The following FUT8 variants were observed in gnomAD, a reference collection of about 807,000 sequenced individuals.
The protein encoded by FUT8 is alpha-(1,6)-fucosyltransferase.
Under a neutral mutation model 71.3 loss-of-function variants are expected in FUT8, and 29 were observed. The ratio of observed to expected loss-of-function variants is 0.41; its 90% CI spans 0.30 to 0.55. The LOEUF (loss-of-function observed/expected upper bound fraction) is 0.55, where lower values mean the gene tolerates loss of function less well. Among genes scored for constraint, FUT8 ranks in the 20% least tolerant of loss-of-function variants. The pLI, the probability that FUT8 is intolerant of heterozygous loss-of-function variation, is 0.34. For synonymous variants in FUT8, 254 were observed against 239.3 expected (o/e 1.06, Z -0.57); for missense variants, 544 against 702.1 (o/e 0.77, Z 2.55).
At chr14:65,740,679 G>C (rs1435928282) in intron 10 of FUT8, among the ~76,000 whole-genome samples, 1 of 151,910 alleles carries the variant, frequency 6.6e-6, no homozygotes, top group Admixed American at 6.6e-5. Flanking sequence ...AGAATTGGGA[G>C]GTGCCACATA....
the FUT8 span, among the ~76,000 whole-genome samples, chr14:65,382,782 TC>T: frequency 5.9e-5 from 9 of 152,340 alleles, no homozygotes; most frequent in Middle Eastern, 3.4e-3. Context: ...TGTCCTTAGT[TC>T]TTGCCTCATT....
chr14:65,725,321 A>C (rs1895622602), intron 9 of FUT8, among the ~76,000 whole-genome samples: 1 of 152,196 alleles, frequency 6.6e-6, no homozygotes, highest in Non-Finnish European at 1.5e-5. Flanking sequence ...CCCAAATCTA[A>C]TAGGGCAATA....
chr14:65,368,858 A>G, the FUT8 span, among the ~76,000 whole-genome samples: 1 of 151,976 alleles, frequency 6.6e-6, no homozygotes, highest in Admixed American at 6.6e-5. Context: ...GGGTTTCACC[A>G]TGTTGGCCAG....
At position 65,413,598 on chromosome 14, in the gene FUT8, C is replaced by G. The variant is rs1264829268; in HGVS notation, c.-326+384C>G. Among the ~76,000 whole-genome samples, 1 of 152,194 alleles carries G rather than the reference C, an allele frequency of 6.6e-6. No homozygotes were observed. The highest frequency in any genetic ancestry group is 1.5e-5 in the Non-Finnish European group (1 of 68,026). ...TTCCCCTCCACACCTACCTTCCCTT[C>G]GTCAGCAGCTCGGTCCCTGGAGTCG... is the stretch of plus-strand genomic sequence containing the variant. On this transcript the variant is annotated intron_variant, in intron 1 of 10. Coordinates refer to ENST00000673929, the MANE Select transcript of FUT8 (RefSeq NM_001371533.1). The surrounding 1 kb of genome is among the most constrained non-coding windows in gnomAD (Gnocchi z 4.1).
chr14:65,406,002 T>C (rs2065087742), upstream of FUT8, among the ~76,000 whole-genome samples: 1 of 152,178 alleles, frequency 6.6e-6, no homozygotes, highest in Non-Finnish European at 1.5e-5. Context: ...AATGTGGGCA[T>C]GAGAGCAGTA....
intron 6 of FUT8, among the ~76,000 whole-genome samples, chr14:65,644,300 T>A (rs931784901): frequency 7.3e-4 from 106 of 145,748 alleles, no homozygotes; most frequent in Middle Eastern, 7.4e-3. Flanking sequence ...TATATATATT[T>A]TTTTTTTTGA....
rs1888967303 is a variant in FUT8, at chr14:65,611,280, CA to C, written c.204-4697del. 1.9e-4 allele frequency among the ~76,000 whole-genome samples: 8 copies of C among 41,800 alleles called. 1 individual carries two copies. Among genetic ancestry groups the C allele is most frequent in the Non-Finnish European group, 2.8e-4 (6 of 21,800 alleles). 27.4% of individuals were successfully genotyped at this position (41,800 alleles called of 152,430 possible). A position where few individuals can be genotyped will look rare whatever the true frequency, so the allele number is the denominator to read the frequency against. ...ACACACACACACACACACACACACA[CA>C]CACACACACACACACACACACCCCC... On this transcript the variant is annotated intron_variant, in intron 3 of 10. Transcript: ENST00000673929.
chr14:65,633,389 C>G (rs1310505134), intron 6 of FUT8, among the ~76,000 whole-genome samples: 1 of 152,214 alleles, frequency 6.6e-6, no homozygotes, highest in Non-Finnish European at 1.5e-5. Context: ...CTCCCAGCCG[C>G]CTGCCTTGGC....
chr14:65,741,780 G>C lies in FUT8; in HGVS notation c.1411-313G>C, dbSNP rs1896516329. On this transcript the variant is annotated intron_variant, in intron 10 of 10. Coordinates refer to ENST00000673929, the MANE Select transcript of FUT8 (RefSeq NM_001371533.1). Reference sequence around the variant, plus strand: ...CCTAGCTTGGACCACTGTGTATGTAGCTCTTAATAAATGTTTGTTAAAATT... The same window carrying C: ...CCTAGCTTGGACCACTGTGTATGTACCTCTTAATAAATGTTTGTTAAAATT... Among the ~76,000 whole-genome samples the C allele has an allele frequency of 2.0e-5, 3 of 152,042 alleles. No homozygotes were observed. In the South Asian group the frequency reaches 6.2e-4, roughly 32 times the overall value.
intron 2 of FUT8, among the ~76,000 whole-genome samples, chr14:65,511,101 A>G (rs909415485): frequency 2.6e-5 from 4 of 151,850 alleles, no homozygotes; most frequent in African/African-American, 7.3e-5. Context: ...TTGGTATATT[A>G]TGTTTCCATT....
chr14:65,684,532 T>C (rs1267536186), intron 7 of FUT8, among the ~76,000 whole-genome samples: 1 of 152,228 alleles, frequency 6.6e-6, no homozygotes, highest in Non-Finnish European at 1.5e-5. Context: ...TTTGAAGCTA[T>C]TATCTGTTGT....
intron 3 of FUT8, among the ~76,000 whole-genome samples, chr14:65,576,436 A>C (rs929681657): frequency 6.6e-6 from 1 of 152,134 alleles, no homozygotes; most frequent in Non-Finnish European, 1.5e-5. Context: ...GGCATGTTAC[A>C]TGTTGATATA....
At chr14:65,500,491 A>C (rs1349635179) in intron 2 of FUT8, among the ~76,000 whole-genome samples, 1 of 152,206 alleles carries the variant, frequency 6.6e-6, no homozygotes, top group Non-Finnish European at 1.5e-5. Context: ...GTCTTCTCTT[A>C]CTTTGTTGTC....
At chr14:65,421,052 G>A (rs536411031) in intron 1 of FUT8, among the ~76,000 whole-genome samples, 51 of 152,172 alleles carry the variant, frequency 3.4e-4, no homozygotes, top group African/African-American at 1.2e-3. Context: ...AATTAGCTGG[G>A]CGTGGTTGCA....
intron 6 of FUT8, among the ~76,000 whole-genome samples, chr14:65,630,436 TA>T (rs1312671362): frequency 7.7e-4 from 118 of 152,316 alleles, no homozygotes; most frequent in Non-Finnish European, 5.7e-4. Flanking sequence ...TAATATGCCA[TA>T]AGCATTTTTC....
chr14:65,557,555 A>G (rs1267324643), intron 2 of FUT8, among the ~76,000 whole-genome samples: 1 of 149,992 alleles, frequency 6.7e-6, no homozygotes, highest in African/African-American at 2.5e-5. Context: ...CTGGTCTTGA[A>G]CTCCTGACCT....
chr14:65,481,606 C>A (rs80306507), intron 2 of FUT8, among the ~76,000 whole-genome samples: 1 of 152,066 alleles, frequency 6.6e-6, no homozygotes, highest in African/African-American at 2.4e-5. Context: ...AATCTTTTCC[C>A]CCACTACTAC....
At chr14:65,741,392 GT>G (rs1366157079) in intron 10 of FUT8, among the ~76,000 whole-genome samples, 1 of 151,952 alleles carries the variant, frequency 6.6e-6, no homozygotes, top group Non-Finnish European at 1.5e-5. Context: ...TTGATTGTCA[GT>G]AATTACATGA....
chr14:65,457,020 A>G (rs11158598), intron 2 of FUT8, among the ~76,000 whole-genome samples: 88,751 of 151,868 alleles, frequency 0.58, 26,257 homozygotes, highest in Admixed American at 0.63. Context: ...TTTTCTTTAT[A>G]TTAAGAAAAT....
Sources: allele counts gnomAD v4.1 joint callset (sites outside exome capture counted in the v4.1 genomes callset), GRCh38; gene constraint gnomAD v4.1.1; non-coding constraint Gnocchi (gnomAD v3.1); transcripts MANE v1.5; gene names NCBI Gene and HGNC (gene_info 2026-07-23, HGNC 2026-07-21).